The following FEZ1 variants were observed in gnomAD, a reference collection of about 807,000 sequenced individuals.
The protein encoded by FEZ1 is fasciculation and elongation protein zeta-1.
A neutral mutation model predicts 49.3 loss-of-function variants in FEZ1; 20 were observed. That is an observed-to-expected ratio of 0.41 (90% confidence interval 0.29 to 0.59). The LOEUF (loss-of-function observed/expected upper bound fraction) is 0.59, where lower values mean the gene tolerates loss of function less well. Among genes scored for constraint, FEZ1 ranks in the 20% least tolerant of loss-of-function variants. The pLI is 0.36. For missense variants in FEZ1, 413 were observed against 476.0 expected (o/e 0.87, Z 1.23); for synonymous variants, 170 against 180.9 (o/e 0.94, Z 0.48).
At chr11:125,484,838 G>A (rs531357857) in intron 2 of FEZ1, among the ~76,000 whole-genome samples, 42 of 151,338 alleles carry the variant, frequency 2.8e-4, no homozygotes, top group African/African-American at 9.5e-4. Flanking sequence ...CCAGGGAAGG[G>A]CACAAGGAAG....
intron 4 of FEZ1, among the ~76,000 whole-genome samples, chr11:125,462,607 A>G (rs1453456687): frequency 6.6e-6 from 1 of 152,236 alleles, no homozygotes; most frequent in Non-Finnish European, 1.5e-5. Context: ...CTCCTATCAG[A>G]GACTGACCCC....
At chr11:125,481,740 C>G in intron 2 of FEZ1, 107 bp from the exon 3 acceptor site, 1 of 785,460 alleles carries the variant, frequency 1.3e-6, no homozygotes, top group South Asian at 1.4e-5. Context: ...GTGTGCCAGG[C>G]TGAGATCATC....
chr11:125,449,239 T>A (rs1255032045), intron 8 of FEZ1, among the ~76,000 whole-genome samples: 1 of 147,292 alleles, frequency 6.8e-6, no homozygotes, highest in Non-Finnish European at 1.5e-5. Flanking sequence ...AAAGATGAGG[T>A]TTTGCCATGT....
chr11:125,489,548 T>C lies in FEZ1; in HGVS notation c.230A>G (p.Tyr77Cys). The change falls in exon 2 of 10, where the codon TAC becomes TGC. Residue 77 changes from tyrosine (Y) to cysteine (C), a missense_variant. Tyr to Cys is a radical substitution (Grantham distance 194). Coordinates refer to ENST00000278919, the MANE Select transcript of FEZ1 (RefSeq NM_005103.5). This position sits in a 1 kb window ranked among gnomAD's most constrained non-coding sequence, Gnocchi z 4.2. ...DEKLNVCFRN[Y>C]NAKTENLAPV... is the part of the protein sequence containing the mutation. ...AGCTAGGTTCTCGGTCTTGGCGTTG[T>C]AGTTCCGAAAGCAGACATTGAGCTT... is the stretch of plus-strand genomic sequence containing the variant. The C allele has an allele frequency of 6.2e-7, 1 of 1,614,174 alleles. No homozygotes were observed. The highest frequency in any genetic ancestry group is 1.1e-5 in the South Asian group (1 of 91,080).
chr11:125,492,452 C>T (rs1376119654), intron 1 of FEZ1, among the ~76,000 whole-genome samples: 2 of 152,132 alleles, frequency 1.3e-5, no homozygotes, highest in Non-Finnish European at 2.9e-5. Flanking sequence ...CAAAGGAGGT[C>T]ATAGTGCAAA....
intron 3 of FEZ1, among the ~76,000 whole-genome samples, chr11:125,479,011 G>A (rs1283700237): frequency 6.6e-6 from 1 of 152,130 alleles, no homozygotes; most frequent in Non-Finnish European, 1.5e-5. Flanking sequence ...GTTTGGGTAA[G>A]TACTAAGCAT....
Position 125,491,747 on chromosome 11 carries a change from C to T in FEZ1, c.-45-1925G>A, listed in dbSNP as rs558097858. On this transcript the variant is annotated intron_variant, in intron 1 of 9. Transcript: ENST00000278919. ...AGGCAAGAACACTGCCAGTTTGTAC[C>T]GGGATTTTGCTGGGATTAAGTTGAT... Among the ~76,000 whole-genome samples the T allele has an allele frequency of 1.1e-4, 16 of 152,250 alleles. No individual in the cohort carries two copies. In the East Asian group the frequency reaches 1.2e-3, roughly 11 times the overall value.
At position 125,474,049 on chromosome 11, in the gene FEZ1, G is replaced by T. The variant is rs183791699; in HGVS notation, c.411+7485C>A. Among the ~76,000 whole-genome samples the T allele has an allele frequency of 1.4e-4, 21 of 150,988 alleles. No individual in the cohort carries two copies. In the East Asian group the frequency reaches 3.1e-3, roughly 22 times the overall value. ...TCCTTTTCTTTTTTTTTTTGAGATG[G>T]AGTCTCACTCTGTTGCCCAGACTGG... is the stretch of plus-strand genomic sequence containing the variant. On this transcript the variant is annotated intron_variant, in intron 3 of 9. Coordinates refer to ENST00000278919, the MANE Select transcript of FEZ1 (RefSeq NM_005103.5).
chr11:125,456,297 G>A, intron 5 of FEZ1, 191 bp from the exon 6 acceptor site: 1 of 499,848 alleles, frequency 2.0e-6, no homozygotes, highest in East Asian at 3.1e-5. Flanking sequence ...TGTACTGACT[G>A]CAGAAGAGAA....
At chr11:125,470,179 A>G (rs1957172582) in intron 3 of FEZ1, among the ~76,000 whole-genome samples, 1 of 152,232 alleles carries the variant, frequency 6.6e-6, no homozygotes, top group Non-Finnish European at 1.5e-5. Flanking sequence ...CTTCAGAAGG[A>G]TAACAGAACA....
At chr11:125,494,438 G>C (rs1225598086) in intron 1 of FEZ1, among the ~76,000 whole-genome samples, 3 of 152,176 alleles carry the variant, frequency 2.0e-5, no homozygotes, top group African/African-American at 7.2e-5. Flanking sequence ...ATCCTGGCAA[G>C]CTTGCACCAT....
intron 1 of FEZ1, among the ~76,000 whole-genome samples, chr11:125,493,299 A>G (rs892237661): frequency 1.0e-4 from 15 of 150,204 alleles, no homozygotes; most frequent in Non-Finnish European, 2.1e-4. Context: ...ATGCCATTGC[A>G]CTCCAGCCTG....
chr11:125,492,859 T>A (rs1322024840), intron 1 of FEZ1, among the ~76,000 whole-genome samples: 1 of 151,618 alleles, frequency 6.6e-6, no homozygotes, highest in Non-Finnish European at 1.5e-5. Context: ...TCCCAGCAAC[T>A]GGAGAGGCTG....
intron 5 of FEZ1, among the ~76,000 whole-genome samples, chr11:125,457,494 ATATATG>A (rs1256387834): frequency 1.2e-5 from 1 of 81,498 alleles, no homozygotes; most frequent in Non-Finnish European, 2.7e-5. Flanking sequence ...ATATATGTGT[ATATATG>A]TATATATATA....
In FEZ1 at chr11:125,493,488, AGGAAAGAAAGAAAGAAAGAG is replaced by A. The variant is rs1565307271; in HGVS notation, c.-46+2613_-46+2632del. Among the ~76,000 whole-genome samples, 210 of 72,770 alleles carry A rather than the reference AGGAAAGAAAGAAAGAAAGAG, an allele frequency of 2.9e-3. 13 individuals carry two copies. Among genetic ancestry groups the A allele is most frequent in the Middle Eastern group, 0.012 (2 of 164 alleles). 47.7% of individuals were successfully genotyped at this position (72,770 alleles called of 152,430 possible). ...AAGGAAAGAAGGAAAGAAGGAAAGAAGGAAAGAAAGAAAGAAAGAGAGAAAGAAAGAAAGAAAGAAAGAAA... is the reference window on the plus strand; with the variant it reads ...AAGGAAAGAAGGAAAGAAGGAAAGAAAGAAAGAAAGAAAGAAAGAAAGAAA... On this transcript the variant is annotated intron_variant, in intron 1 of 9. Coordinates refer to ENST00000278919, the MANE Select transcript of FEZ1 (RefSeq NM_005103.5).
In FEZ1 at chr11:125,495,375, C is replaced by A. The variant is rs763065434; in HGVS notation, c.-46+746G>T. The A allele has an allele frequency of 2.1e-6, 1 of 470,540 alleles. No individual in the cohort carries two copies. Among genetic ancestry groups the A allele is most frequent in the African/African-American group, 2.0e-5 (1 of 50,174 alleles). The allele number at this position is 470,540 out of a possible 1,614,324, so 29.1% of individuals were successfully genotyped here. ...AGGGATAGGCAAAAGGGAAGAAGAG[C>A]GGGCTGTGATACCTCCTCGACGCCG... On this transcript the variant is annotated intron_variant, in intron 1 of 9. Coordinates refer to ENST00000278919, the MANE Select transcript of FEZ1 (RefSeq NM_005103.5). The surrounding 1 kb of genome is among the most constrained non-coding windows in gnomAD (Gnocchi z 4.2).
intron 4 of FEZ1, among the ~76,000 whole-genome samples, chr11:125,463,083 T>G (rs1034711257): frequency 2.6e-5 from 4 of 151,590 alleles, no homozygotes; most frequent in African/African-American, 9.7e-5. Context: ...GCAGATCACT[T>G]GAGGTTAGGA....
At chr11:125,455,595 C>T (rs1957002092) in intron 6 of FEZ1, 2 of 573,518 alleles carry the variant, frequency 3.5e-6, no homozygotes, top group East Asian at 5.9e-5. Flanking sequence ...AGAACACAAG[C>T]CAAATTCAAT....
chr11:125,474,892 A>G (rs559123216), intron 3 of FEZ1, among the ~76,000 whole-genome samples: 2 of 152,228 alleles, frequency 1.3e-5, no homozygotes, highest in South Asian at 4.1e-4. Context: ...CAACTCAAAG[A>G]AAAAAAGAAA....
Sources: gnomAD v4.1 joint callset for allele counts (sites outside exome capture counted in the v4.1 genomes callset) on GRCh38, gnomAD v4.1.1 for gene constraint, Gnocchi (gnomAD v3.1) non-coding constraint, MANE v1.5 for transcripts, NCBI Gene and HGNC (gene_info 2026-07-23, HGNC 2026-07-21) for gene names.